The following FN1 variants were observed in gnomAD, a reference collection of about 807,000 sequenced individuals.
The protein encoded by FN1 is fibronectin.
FN1 carries 106 observed loss-of-function variants against 297.3 expected under a neutral mutation model. The ratio of observed to expected loss-of-function variants is 0.36; its 90% CI spans 0.30 to 0.42. FN1 has a LOEUF of 0.42. Ranked by LOEUF, FN1 falls within the 10% of genes least tolerant of loss-of-function variation. The probability of loss-of-function intolerance (pLI) is 1.00; values close to 1 mark genes in which losing one functional copy is unlikely to be tolerated. For missense variants in FN1, 2,690 were observed against 3,124.9 expected (o/e 0.86, Z 3.32); for synonymous variants, 1,149 against 1,152.6 (o/e 1.00, Z 0.06).
At chr2:215,409,520 A>C in intron 15 of FN1, 43 bp downstream of exon 15, 1 of 1,591,870 alleles carries the variant, frequency 6.3e-7, no homozygotes, top group Non-Finnish European at 8.6e-7. Flanking sequence ...AGAGTTTTCC[A>C]GCAGCTGCCC....
chr2:215,425,054 TAA>T, intron 7 of FN1, 38 bp downstream of exon 7: 1 of 1,563,978 alleles, frequency 6.4e-7, no homozygotes, highest in Non-Finnish European at 8.8e-7. Context: ...AACTAAATAA[TAA>T]AGTCATCAGT....
chr2:215,370,505 A>G, intron 40 of FN1, 73 bp from the exon 41 acceptor site: 1 of 1,260,252 alleles, frequency 7.9e-7, no homozygotes, highest in Non-Finnish European at 1.1e-6. Context: ...TCCTCTTACC[A>G]ATAACCCTCA....
chr2:215,398,447 T>C (rs941164288), intron 21 of FN1, among the ~76,000 whole-genome samples: 3 of 152,198 alleles, frequency 2.0e-5, no homozygotes, highest in African/African-American at 7.2e-5. Flanking sequence ...AGTGTTCAAC[T>C]CTAGAGAGAT....
Position 215,375,332 on chromosome 2 carries a change from T to C in FN1, c.6039A>G (p.Ser2013=), listed in dbSNP as rs745939733. The C allele has an allele frequency of 2.5e-6, 4 of 1,613,976 alleles. No individual in the cohort carries two copies. The highest frequency in any genetic ancestry group is 3.3e-5 in the Admixed American group (2 of 60,000). Residue 2013 remains serine, a synonymous_variant, in exon 38 of 46, where the codon TCA becomes TCG. Transcript: ENST00000354785. ...LATTPNSLLV[S]WQPPRARITG... is the part of the protein sequence containing the mutation. The stretch of plus-strand genomic sequence containing the variant: ...TAATCCTGGCACGTGGCGGCTGCCA[T>C]GATACCAGCAAGGAATTGGGTGTGG...
At chr2:215,416,397 CCT>C in intron 12 of FN1, among the ~76,000 whole-genome samples, 2 of 152,234 alleles carry the variant, frequency 1.3e-5, no homozygotes, top group Middle Eastern at 6.8e-3. Flanking sequence ...CAATTCCATG[CCT>C]ATCTTTGAAT....
At chr2:215,371,155 C>T (rs1029466208) in intron 40 of FN1, among the ~76,000 whole-genome samples, 2 of 151,938 alleles carry the variant, frequency 1.3e-5, no homozygotes, top group African/African-American at 2.4e-5. Context: ...GTAATCCCAG[C>T]TATTTGGGAG....
chr2:215,398,268 C>T (rs2060549328), intron 21 of FN1, among the ~76,000 whole-genome samples: 1 of 152,198 alleles, frequency 6.6e-6, no homozygotes, highest in Admixed American at 6.5e-5. Context: ...TTTAAAGGCA[C>T]CAGCCCCTGT....
In FN1 at chr2:215,408,414, G is replaced by A. The variant is rs2062089013; in HGVS notation, c.2312C>T (p.Thr771Ile). 6.2e-7 allele frequency: 1 copy of A among 1,614,030 alleles called. No individual in the cohort carries two copies. Among genetic ancestry groups the A allele is most frequent in the African/African-American group, 1.3e-5 (1 of 74,910 alleles). ...DEPQYLDLPSTATSVNIPDLL... is the reference protein window; with the variant it reads ...DEPQYLDLPSIATSVNIPDLL... Reference sequence around the variant, plus strand: ...GTCAGGGATGTTCACAGAAGTGGCTGTGCTTGGAAGATCTTTGAAATGAAA... The same window carrying A: ...GTCAGGGATGTTCACAGAAGTGGCTATGCTTGGAAGATCTTTGAAATGAAA... The change falls in exon 16 of 46, where the codon ACA becomes ATA. Residue 771 changes from threonine to isoleucine, a missense_variant. Thr to Ile is a moderately conservative substitution (Grantham distance 89, BLOSUM62 -1). Transcript: ENST00000354785.
chr2:215,365,033 T>C (rs1467367102), intron 43 of FN1, 48 bp from the exon 44 acceptor site: 1 of 1,221,200 alleles, frequency 8.2e-7, no homozygotes, highest in East Asian at 2.5e-5. Context: ...AGAACAATAC[T>C]GCAGACTTGA....
chr2:215,363,525 C>G (rs1417803583), intron 44 of FN1: 1 of 152,198 alleles, frequency 6.6e-6, no homozygotes, highest in Admixed American at 6.5e-5. Flanking sequence ...ATGGGCTGCC[C>G]CTGGTGGAGC....
chr2:215,388,956 G>A (rs1368025997), intron 26 of FN1, among the ~76,000 whole-genome samples: 1 of 152,024 alleles, frequency 6.6e-6, no homozygotes. Context: ...ATTGACCCAG[G>A]CCAGGACTAG....
chr2:215,391,227 ACTG>A (rs974453322), intron 26 of FN1, among the ~76,000 whole-genome samples: 1 of 152,176 alleles, frequency 6.6e-6, no homozygotes, highest in African/African-American at 2.4e-5. Context: ...AAATCAATCA[ACTG>A]CTGACACTTT....
At chr2:215,433,579 A>C in intron 2 of FN1, 118 bp from the exon 3 acceptor site, 1 of 1,003,058 alleles carries the variant, frequency 1.0e-6, no homozygotes, top group Non-Finnish European at 1.5e-6. Context: ...GTACACCTCA[A>C]AGAATAAAAT....
In FN1 at chr2:215,435,704, A is replaced by G; in HGVS notation, c.99T>C (p.Ala33=). 6.2e-7 allele frequency: 1 copy of G among 1,612,878 alleles called. No individual in the cohort carries two copies. Among genetic ancestry groups the G allele is most frequent in the Non-Finnish European group, 8.5e-7 (1 of 1,179,796 alleles). Reference sequence around the variant, plus strand: ...GGGACTGGGGCTGAACCATTTGCTGAGCCTGCCTCTTGCTCTTCGAGGCTC... The same window carrying G: ...GGGACTGGGGCTGAACCATTTGCTGGGCCTGCCTCTTGCTCTTCGAGGCTC... ...STGASKSKRQ[A]QQMVQPQSPV... is the part of the protein sequence containing the mutation. The change falls in exon 1 of 46, where the codon GCT becomes GCC. Residue 33 remains alanine (A), a synonymous_variant. Coordinates refer to ENST00000354785, the MANE Select transcript of FN1 (RefSeq NM_212482.4).
intron 40 of FN1, among the ~76,000 whole-genome samples, chr2:215,370,888 T>C (rs1349732707): frequency 2.0e-5 from 3 of 152,170 alleles, no homozygotes; most frequent in Admixed American, 1.3e-4. Flanking sequence ...CTCAAACTCA[T>C]GTTTCTAAGC....
At chr2:215,391,304 A>G (rs893360673) in intron 26 of FN1, among the ~76,000 whole-genome samples, 3 of 152,152 alleles carry the variant, frequency 2.0e-5, no homozygotes, top group African/African-American at 4.8e-5. Context: ...TTTTTTCTCT[A>G]AAGATTTAGA....
At chr2:215,371,588 A>G (rs2056127010) in intron 40 of FN1, among the ~76,000 whole-genome samples, 1 of 151,414 alleles carries the variant, frequency 6.6e-6, no homozygotes, top group African/African-American at 2.4e-5. Context: ...TATGTCCTCC[A>G]AAGTAGAGCC....
intron 44 of FN1, chr2:215,363,196 T>C (rs1394023953): frequency 6.6e-6 from 1 of 152,214 alleles, no homozygotes; most frequent in African/African-American, 2.4e-5. Context: ...AAATGTTTCA[T>C]TTAGCACTTG....
chr2:215,382,389 G>T, intron 31 of FN1, 64 bp from the exon 32 acceptor site: 1 of 1,048,246 alleles, frequency 9.5e-7, no homozygotes, highest in Non-Finnish European at 1.5e-6. Context: ...CTCAAGTGGC[G>T]TCTAGAGTTT....
Sources: allele counts gnomAD v4.1 joint callset (sites outside exome capture counted in the v4.1 genomes callset), GRCh38; gene constraint gnomAD v4.1.1; transcripts MANE v1.5; gene names NCBI Gene and HGNC (gene_info 2026-07-23, HGNC 2026-07-21).